The following ZPBP variants were observed in gnomAD, a reference collection of about 807,000 sequenced individuals.
ZPBP encodes zona pellucida binding protein, also known as zona pellucida-binding protein 1.
A neutral mutation model predicts 44.8 loss-of-function variants in ZPBP; 26 were observed. The observed-to-expected ratio is 0.58, with a 90% confidence interval of 0.43 to 0.81. The LOEUF is 0.81. Among genes scored for constraint, ZPBP ranks in the 30% least tolerant of loss-of-function variants. The pLI, the probability that ZPBP is intolerant of heterozygous loss-of-function variation, is 0.00. For missense variants in ZPBP, 409 were observed against 434.0 expected (o/e 0.94, Z 0.51); for synonymous variants, 174 against 153.2 (o/e 1.14, Z -1.00).
intron 6 of ZPBP, among the ~76,000 whole-genome samples, chr7:50,010,394 T>A (rs186779332): frequency 7.9e-4 from 120 of 152,270 alleles, no homozygotes; most frequent in Middle Eastern, 3.4e-3. Flanking sequence ...ACAAATGATT[T>A]TGGAACAATT....
chr7:49,984,258 T>A (rs145760687), intron 6 of ZPBP, among the ~76,000 whole-genome samples: 85 of 152,334 alleles, frequency 5.6e-4, no homozygotes, highest in African/African-American at 1.9e-3. Flanking sequence ...TCTACTGAGT[T>A]CTTCCAATAT....
At chr7:50,087,071 G>C (rs570306569) in intron 2 of ZPBP, among the ~76,000 whole-genome samples, 1 of 152,012 alleles carries the variant, frequency 6.6e-6, no homozygotes, top group East Asian at 1.9e-4. Context: ...CCTCCCAAAA[G>C]GAAAAGTCCA....
chr7:49,841,388 CA>C, the ZPBP span, among the ~76,000 whole-genome samples: 1 of 150,452 alleles, frequency 6.6e-6, no homozygotes, highest in Non-Finnish European at 1.5e-5. Flanking sequence ...TGTAGGCAAG[CA>C]AAAAGAAACA....
intron 7 of ZPBP, among the ~76,000 whole-genome samples, chr7:49,947,526 C>T (rs1217838714): frequency 6.6e-6 from 1 of 152,184 alleles, no homozygotes; most frequent in Non-Finnish European, 1.5e-5. Context: ...CAGGCAGAGA[C>T]TCTTGTTCTC....
chr7:49,951,432 A>G (rs1795338720), intron 7 of ZPBP, among the ~76,000 whole-genome samples: 1 of 151,822 alleles, frequency 6.6e-6, no homozygotes, highest in African/African-American at 2.4e-5. Context: ...AGATACACAA[A>G]TGGCCACCAA....
intron 6 of ZPBP, among the ~76,000 whole-genome samples, chr7:50,001,641 C>T (rs551991093): frequency 3.9e-5 from 6 of 152,190 alleles, no homozygotes; most frequent in Admixed American, 1.3e-4. Flanking sequence ...GGGCATCTTG[C>T]AATGAAGGAG....
chr7:50,036,072 A>G (rs1174058847), intron 4 of ZPBP, among the ~76,000 whole-genome samples: 5 of 152,234 alleles, frequency 3.3e-5, no homozygotes. Context: ...AGAGTGCCTA[A>G]AATACACCAC....
chr7:50,003,109 A>T (rs1798165666), intron 6 of ZPBP, among the ~76,000 whole-genome samples: 1 of 152,156 alleles, frequency 6.6e-6, no homozygotes, highest in South Asian at 2.1e-4. Context: ...ATGGTATGGG[A>T]AATACACAAA....
intron 1 of ZPBP, among the ~76,000 whole-genome samples, chr7:49,911,663 A>T (rs1222654510): frequency 2.0e-5 from 3 of 151,846 alleles, no homozygotes; most frequent in African/African-American, 7.3e-5. Flanking sequence ...TTGGGAAGCC[A>T]AGGTGGGTGG....
chr7:50,061,827 G>A (rs1801254236), intron 3 of ZPBP, among the ~76,000 whole-genome samples: 1 of 152,202 alleles, frequency 6.6e-6, no homozygotes, highest in East Asian at 1.9e-4. Flanking sequence ...CTGAGAGGCA[G>A]AGGTTGCAGT....
chr7:49,875,395 A>AAAAAAAAAAC (rs1562746141), intron 2 of ZPBP, among the ~76,000 whole-genome samples: 2 of 149,594 alleles, frequency 1.3e-5, no homozygotes, highest in African/African-American at 5.0e-5. Context: ...AAAAAAAAAA[A>AAAAAAAAAAC]AACAGGAATA....
the ZPBP span, among the ~76,000 whole-genome samples, chr7:49,843,240 C>T: frequency 6.6e-6 from 1 of 152,134 alleles, no homozygotes; most frequent in Non-Finnish European, 1.5e-5. Context: ...CTGCCATACT[C>T]ATAAAAATCC....
chr7:49,843,941 CAGTT>C, the ZPBP span, among the ~76,000 whole-genome samples: 2 of 152,132 alleles, frequency 1.3e-5, no homozygotes, highest in African/African-American at 2.4e-5. Flanking sequence ...GAAAAGGTGA[CAGTT>C]AGGACTCATT....
At position 50,043,456 on chromosome 7, in the gene ZPBP, G is replaced by T. The variant is rs1467803554; in HGVS notation, c.488-12146C>A. ...CATCTCACATGCAAAGACACACATA[G>T]GCTCAAAATAAAGGGATGGGGGAAT... On this transcript the variant is annotated intron_variant, in intron 4 of 7. Coordinates refer to ENST00000046087, the MANE Select transcript of ZPBP (RefSeq NM_007009.3). Among the ~76,000 whole-genome samples the T allele has an allele frequency of 2.0e-5, 3 of 152,244 alleles. No individual in the cohort carries two copies. In the Middle Eastern group the frequency reaches 0.01, roughly 518 times the overall value.
intron 2 of ZPBP, among the ~76,000 whole-genome samples, chr7:49,871,852 C>T (rs1217812157): frequency 2.1e-5 from 3 of 145,830 alleles, no homozygotes; most frequent in Non-Finnish European, 4.5e-5. Flanking sequence ...TACATGTATG[C>T]ATATACATAC....
At chr7:49,895,139 T>A (rs2128732167) in intron 2 of ZPBP, among the ~76,000 whole-genome samples, 1 of 152,296 alleles carries the variant, frequency 6.6e-6, no homozygotes, top group South Asian at 2.1e-4. Flanking sequence ...CACTTGCAGA[T>A]TTGGTGTTTG....
At chr7:50,084,749 G>A (rs1480592866) in intron 2 of ZPBP, among the ~76,000 whole-genome samples, 1 of 151,948 alleles carries the variant, frequency 6.6e-6, no homozygotes, top group Non-Finnish European at 1.5e-5. Context: ...AAATGAAAGG[G>A]AAATTAGTTA....
intron 2 of ZPBP, among the ~76,000 whole-genome samples, chr7:49,857,882 G>A (rs1790487592): frequency 2.0e-5 from 3 of 152,304 alleles, no homozygotes; most frequent in Admixed American, 1.3e-4. Context: ...GAAAGTGGTG[G>A]TGAGGGCATC....
At chr7:49,964,122 CTAAGAA>C (rs1171660464) in intron 7 of ZPBP, among the ~76,000 whole-genome samples, 1 of 151,606 alleles carries the variant, frequency 6.6e-6, no homozygotes, top group Admixed American at 6.6e-5. Context: ...TCTCAGTAAA[CTAAGAA>C]TAAGTAGGAA....
Sources: allele counts gnomAD v4.1 joint callset (sites outside exome capture counted in the v4.1 genomes callset), GRCh38; gene constraint gnomAD v4.1.1; transcripts MANE v1.5; gene names NCBI Gene and HGNC (gene_info 2026-07-23, HGNC 2026-07-21).